CSMD1: variants seen among roughly 807,000 people sequenced by gnomAD.
CSMD1 encodes CUB and Sushi multiple domains 1.
Under a neutral mutation model 417.5 loss-of-function variants are expected in CSMD1, and 213 were observed. The ratio of observed to expected loss-of-function variants is 0.51; its 90% CI spans 0.46 to 0.57. The LOEUF (loss-of-function observed/expected upper bound fraction) is 0.57, where lower values mean the gene tolerates loss of function less well. CSMD1 is among the 20% of genes least tolerant of loss of function. CSMD1 has a pLI of 0.00. For missense variants in CSMD1, 6,923 were observed against 4,529.7 expected, an observed-to-expected ratio of 1.53 and a Z score of -15.17; for synonymous variants, 2,862 against 1,736.8, an observed-to-expected ratio of 1.65 and a Z score of -16.11.
intron 2 of CSMD1, among the ~76,000 whole-genome samples, chr8:4,476,959 G>C (rs1206831299): frequency 2.6e-5 from 4 of 152,224 alleles, no homozygotes; most frequent in Non-Finnish European, 4.4e-5. Context: ...AGAAAAGCAT[G>C]AGGTGTGCTG....
At chr8:3,701,751 G>A (rs756619725) in intron 7 of CSMD1, among the ~76,000 whole-genome samples, 7 of 152,146 alleles carry the variant, frequency 4.6e-5, no homozygotes, top group Non-Finnish European at 1.0e-4. Context: ...ACATCATTAA[G>A]TATATACAGT....
In CSMD1 at chr8:4,459,360, C is replaced by A. The variant is rs1284908219; in HGVS notation, c.303-39295G>T. The stretch of plus-strand genomic sequence containing the variant: ...AGACAATCAAGCTCTCACCTCAGAC[C>A]CGTGGTTTACTCATGAAACAAGAAT... On this transcript the variant is annotated intron_variant, in intron 2 of 69. Coordinates refer to ENST00000635120, the MANE Select transcript of CSMD1 (RefSeq NM_033225.6). Among the ~76,000 whole-genome samples, 4 of 152,178 alleles carry A rather than the reference C, an allele frequency of 2.6e-5. No individual in the cohort carries two copies. The East Asian group carries it at 7.7e-4, about 29-fold the overall frequency.
At chr8:4,824,232 A>T (rs1799684671) in intron 1 of CSMD1, among the ~76,000 whole-genome samples, 1 of 152,108 alleles carries the variant, frequency 6.6e-6, no homozygotes, top group Admixed American at 6.6e-5. Context: ...AGATTAGCCA[A>T]GAAAGAGGGC....
At chr8:4,921,466 G>C (rs190232698) in intron 1 of CSMD1, among the ~76,000 whole-genome samples, 19 of 152,136 alleles carry the variant, frequency 1.2e-4, no homozygotes, top group African/African-American at 4.6e-4. Context: ...TCTTTATACT[G>C]TCCCCTGAAA....
chr8:4,976,235 C>G (rs942759881), intron 1 of CSMD1, among the ~76,000 whole-genome samples: 1 of 152,128 alleles, frequency 6.6e-6, no homozygotes, highest in South Asian at 2.1e-4. Context: ...TATCCATACC[C>G]CAAACCTCTG....
At chr8:3,709,990 A>G (rs1392884926) in intron 6 of CSMD1, among the ~76,000 whole-genome samples, 1 of 151,912 alleles carries the variant, frequency 6.6e-6, no homozygotes, top group African/African-American at 2.4e-5. Flanking sequence ...ACCTGATTAT[A>G]TCTTTTGGCT....
chr8:4,590,630 C>G (rs1363123377), intron 2 of CSMD1, among the ~76,000 whole-genome samples: 1 of 151,956 alleles, frequency 6.6e-6, no homozygotes, highest in Non-Finnish European at 1.5e-5. Context: ...ATATGTTGTT[C>G]AAAGTTGTTG....
intron 3 of CSMD1, among the ~76,000 whole-genome samples, chr8:4,267,661 T>A (rs1804304940): frequency 6.6e-6 from 1 of 152,146 alleles, no homozygotes; most frequent in Admixed American, 6.5e-5. Flanking sequence ...ATACTTCGTG[T>A]TTAGGCTTTG....
chr8:3,099,893 TA>T (rs1217098060), intron 46 of CSMD1, among the ~76,000 whole-genome samples: 1 of 152,358 alleles, frequency 6.6e-6, no homozygotes, highest in Admixed American at 6.5e-5. Flanking sequence ...AGGTAGCAGA[TA>T]ATTTGTAGAG....
rs1369680004 is a variant in CSMD1, at chr8:3,853,009, G to A, written c.819-98967C>T. 2.0e-5 allele frequency among the ~76,000 whole-genome samples: 3 copies of A among 151,986 alleles called. No homozygotes were observed. In the South Asian group the frequency reaches 6.2e-4, roughly 32 times the overall value. ...AGTGTTCTTGACTTGACATCACCTC[G>A]TCCCCAACATCCAACTACATCTCCC... On this transcript the variant is annotated intron_variant, in intron 5 of 69. Coordinates refer to ENST00000635120, the MANE Select transcript of CSMD1 (RefSeq NM_033225.6).
intron 7 of CSMD1, among the ~76,000 whole-genome samples, chr8:3,650,088 G>A (rs969781698): frequency 3.3e-5 from 5 of 152,108 alleles, no homozygotes; most frequent in Admixed American, 3.3e-4. Context: ...AGACTAGCCT[G>A]GACAACATGG....
intron 1 of CSMD1, among the ~76,000 whole-genome samples, chr8:4,754,271 A>T (rs564476042): frequency 1.3e-5 from 2 of 152,298 alleles, no homozygotes; most frequent in South Asian, 2.1e-4. Context: ...GACTAAGAAG[A>T]CAATTGCCAG....
At chr8:2,968,033 C>A (rs1479958944) in intron 57 of CSMD1, among the ~76,000 whole-genome samples, 3 of 152,174 alleles carry the variant, frequency 2.0e-5, no homozygotes. Flanking sequence ...TAACACAGAC[C>A]TATTAGTAGT....
chr8:4,029,496 T>G (rs1797231751), intron 4 of CSMD1, among the ~76,000 whole-genome samples: 1 of 152,132 alleles, frequency 6.6e-6, no homozygotes, highest in African/African-American at 2.4e-5. Flanking sequence ...CATCAGATCT[T>G]GAGAGACTTA....
chr8:4,952,326 T>C (rs1405671003), intron 1 of CSMD1, among the ~76,000 whole-genome samples: 1 of 127,110 alleles, frequency 7.9e-6, no homozygotes, highest in Non-Finnish European at 1.7e-5. Flanking sequence ...TTTTTGGGAA[T>C]GAAAACAAAC....
In CSMD1 at chr8:3,244,744, T is replaced by C. The variant is rs1461469391; in HGVS notation, c.4154-14513A>G. Among the ~76,000 whole-genome samples the C allele has an allele frequency of 2.0e-5, 3 of 152,252 alleles. No individual in the cohort carries two copies. The East Asian group carries it at 5.8e-4, about 29-fold the overall frequency. Reference sequence around the variant, plus strand: ...TGCTATTTGGGAAACAAGGGTTGAATGGGAGGGATATAAAGTAATAAGCGG... The same window carrying C: ...TGCTATTTGGGAAACAAGGGTTGAACGGGAGGGATATAAAGTAATAAGCGG... On this transcript the variant is annotated intron_variant, in intron 26 of 69. Coordinates refer to ENST00000635120, the MANE Select transcript of CSMD1 (RefSeq NM_033225.6).
intron 3 of CSMD1, among the ~76,000 whole-genome samples, chr8:4,279,806 C>CT (rs1421975382): frequency 1.3e-5 from 2 of 152,176 alleles, no homozygotes; most frequent in South Asian, 2.1e-4. Context: ...TGGATTATGT[C>CT]TTTTTGATGA....
intron 3 of CSMD1, among the ~76,000 whole-genome samples, chr8:4,348,500 A>T (rs1800903003): frequency 6.6e-6 from 1 of 151,948 alleles, no homozygotes; most frequent in South Asian, 2.1e-4. Flanking sequence ...AAGGTAGCTT[A>T]ATAAGTTGTA....
intron 49 of CSMD1, among the ~76,000 whole-genome samples, chr8:3,081,624 G>C (rs555614996): frequency 6.6e-6 from 1 of 152,192 alleles, no homozygotes; most frequent in East Asian, 1.9e-4. Flanking sequence ...TTTATTGCAG[G>C]ATTTATAACC....
Sources: gnomAD v4.1 joint callset for allele counts (sites outside exome capture counted in the v4.1 genomes callset) on GRCh38, gnomAD v4.1.1 for gene constraint, MANE v1.5 for transcripts, NCBI Gene and HGNC (gene_info 2026-07-23, HGNC 2026-07-21) for gene names.